Variants in CIB1 observed in about 807,000 individuals in gnomAD.
The protein encoded by CIB1 is calcium and integrin binding 1, also known as calcium and integrin-binding protein 1.
CIB1 carries 19 observed loss-of-function variants against 25.0 expected under a neutral mutation model. The ratio of observed to expected loss-of-function variants is 0.76; its 90% CI spans 0.53 to 1.12. The LOEUF is 1.12. CIB1 is among the 50% of genes most tolerant of loss of function. CIB1 has a pLI of 0.00. For missense variants in CIB1, 236 were observed against 242.6 expected, an observed-to-expected ratio of 0.97 and a Z score of 0.18; for synonymous variants, 104 against 98.5, an observed-to-expected ratio of 1.06 and a Z score of -0.33.
the CIB1 span, chr15:90,241,657 T>C: frequency 6.2e-7 from 1 of 1,614,190 alleles, no homozygotes; most frequent in Non-Finnish European, 8.5e-7. Flanking sequence ...CTCCAGGACC[T>C]CCCAGCTCCT....
intron 2 of CIB1, 101 bp downstream of exon 2, chr15:90,233,568 G>T: frequency 1.4e-6 from 2 of 1,426,256 alleles, no homozygotes; most frequent in Non-Finnish European, 1.9e-6. Context: ...CCGCTCCTCT[G>T]CAGACCTCAG....
chr15:90,255,793 C>G, the CIB1 span: 2 of 1,614,154 alleles, frequency 1.2e-6, no homozygotes, highest in Non-Finnish European at 1.7e-6. Flanking sequence ...AAATCTGCCG[C>G]AAAGATCTGC....
the CIB1 span, among the ~76,000 whole-genome samples, chr15:90,248,107 A>G: frequency 1.3e-5 from 2 of 151,724 alleles, no homozygotes; most frequent in African/African-American, 4.8e-5. Context: ...TGGCATAATC[A>G]TAGCTCACGG....
At chr15:90,254,366 A>G in the CIB1 span, among the ~76,000 whole-genome samples, 1 of 150,076 alleles carries the variant, frequency 6.7e-6, no homozygotes, top group Non-Finnish European at 1.5e-5. Context: ...GGTGGCGCAC[A>G]CTTGTAATCC....
At chr15:90,251,381 C>T in the CIB1 span, among the ~76,000 whole-genome samples, 113 of 151,180 alleles carry the variant, frequency 7.5e-4, no homozygotes, top group South Asian at 1.1e-3. Flanking sequence ...GCCTCGGCCT[C>T]CCAAAGTGCT....
chr15:90,250,478 G>C, the CIB1 span: 2 of 875,818 alleles, frequency 2.3e-6, no homozygotes, highest in Non-Finnish European at 3.4e-6. Flanking sequence ...ATTCCTCAGT[G>C]AAACAGTTTT....
the CIB1 span, chr15:90,264,828 C>T: frequency 5.5e-5 from 84 of 1,536,054 alleles, no homozygotes; most frequent in East Asian, 1.9e-3. Context: ...GAAAGAGTGG[C>T]ATCTGACTCA....
Position 90,231,087 on chromosome 15 carries a change from C to A in CIB1, c.465+8G>T. 2 of 1,614,082 alleles carry A rather than the reference C, an allele frequency of 1.2e-6. No homozygotes were observed. Among genetic ancestry groups the A allele is most frequent in the South Asian group, 1.1e-5 (1 of 91,082 alleles). On this transcript the variant is annotated splice_region_variant and intron_variant, in intron 5 of 6. Coordinates refer to ENST00000328649, the MANE Select transcript of CIB1 (RefSeq NM_006384.4). ...CCCTCCCGCTCCCAGGCCTGCTCAG[C>A]TGCTCACGTTGTCGATGAGCTGCTT...
the CIB1 span, chr15:90,242,454 TTTTTTTTTG>T: frequency 9.1e-6 from 1 of 110,146 alleles, no homozygotes; most frequent in African/African-American, 4.2e-5. Context: ...TTTTTTTTTT[TTTTTTTTTG>T]AGATAGTCTC....
In CIB1 at chr15:90,233,696, G is replaced by T; in HGVS notation, c.59C>A (p.Thr20Lys). ...KELLAEYQDL[T>K]FLTKQEILLA... ...GAGGATCTCCTGCTTCGTCAGGAAC[G>T]TCAAGTCCTGGAAGGCAAAGCCAGA... The change falls in exon 2 of 7, where the codon ACG becomes AAG. Residue 20 changes from threonine to lysine, a missense_variant. Thr to Lys is a moderately conservative substitution (Grantham distance 78, BLOSUM62 -1). Transcript: ENST00000328649. 1.5e-5 allele frequency: 23 copies of T among 1,575,956 alleles called. No individual in the cohort carries two copies. The highest frequency in any genetic ancestry group is 2.0e-5 in the Non-Finnish European group (23 of 1,160,506).
upstream of CIB1, chr15:90,234,050 G>T: frequency 1.2e-6 from 1 of 802,648 alleles, no homozygotes; most frequent in Non-Finnish European, 1.8e-6. Context: ...TCCCAGCCGG[G>T]TTTGGCAGGC....
the CIB1 span, among the ~76,000 whole-genome samples, chr15:90,239,325 G>GTC: frequency 1.3e-5 from 2 of 151,908 alleles, no homozygotes; most frequent in Non-Finnish European, 2.9e-5. Flanking sequence ...GTGTGTGTGT[G>GTC]TGTGTGTGTG....
At chr15:90,234,065 T>C (rs982615258), upstream of CIB1, 12 of 648,364 alleles carry the variant, frequency 1.9e-5, no homozygotes, top group Non-Finnish European at 2.6e-5. Context: ...GCAGGCGAGC[T>C]GCCGGCTCCA....
upstream of CIB1, among the ~76,000 whole-genome samples, chr15:90,237,035 T>C (rs1400913175): frequency 1.3e-5 from 2 of 151,864 alleles, no homozygotes; most frequent in Non-Finnish European, 2.9e-5. Context: ...CTTAGCTCAC[T>C]GCAACCTCTG....
rs1160067218 is a variant in CIB1, at chr15:90,231,575, G to A, written c.196-68C>T. On this transcript the variant is annotated intron_variant, in intron 3 of 6. Coordinates refer to ENST00000328649, the MANE Select transcript of CIB1 (RefSeq NM_006384.4). ...TCATTAAAGCCTACCAGAAACTTGA[G>A]AGAGCAGGTCACAGGACCAGCACCA... 11 of 1,566,668 alleles carry A rather than the reference G, an allele frequency of 7.0e-6. No homozygotes were observed. In the African/African-American group the frequency reaches 1.5e-4, roughly 21 times the overall value.
the CIB1 span, among the ~76,000 whole-genome samples, chr15:90,260,841 ACT>A: frequency 7.0e-6 from 1 of 142,204 alleles, no homozygotes; most frequent in African/African-American, 2.7e-5. Context: ...ATAGAGCAGG[ACT>A]CTGTCTCAAA....
upstream of CIB1, among the ~76,000 whole-genome samples, chr15:90,235,725 A>G (rs145585473): frequency 0.024 from 3,703 of 151,334 alleles, 144 homozygotes; most frequent in African/African-American, 0.081. Flanking sequence ...CCGCCACCAC[A>G]CCCGGCTAAT....
At chr15:90,262,822 A>C in the CIB1 span, 23 of 1,227,674 alleles carry the variant, frequency 1.9e-5, no homozygotes, top group Middle Eastern at 1.3e-3. Context: ...TGGAAGATGA[A>C]GTGAGAGAAT....
chr15:90,232,219 C>A lies in CIB1; in HGVS notation c.195G>T (p.Lys65Asn), dbSNP rs1475462832. ...FEQILSLPEL[K>N]ANPFKERICR... Reference sequence around the variant, plus strand: ...TGTCAAAGGAGGGGAGCGCTTGCACCTTGAGCTCTGGAAGGCTGAGAATCT... The same window carrying A: ...TGTCAAAGGAGGGGAGCGCTTGCACATTGAGCTCTGGAAGGCTGAGAATCT... The change falls in exon 3 of 7, where the codon AAG becomes AAT. Residue 65 changes from lysine (K) to asparagine (N), a missense_variant and splice_region_variant. Physicochemically the swap from Lys to Asn is moderately conservative, Grantham distance 94 (BLOSUM62 0). Coordinates refer to ENST00000328649, the MANE Select transcript of CIB1 (RefSeq NM_006384.4). 6.2e-7 allele frequency: 1 copy of A among 1,609,008 alleles called. No individual in the cohort carries two copies. Among genetic ancestry groups the A allele is most frequent in the African/African-American group, 1.3e-5 (1 of 74,986 alleles).
Sources: gnomAD v4.1 joint callset for allele counts (sites outside exome capture counted in the v4.1 genomes callset) on GRCh38, gnomAD v4.1.1 for gene constraint, MANE v1.5 for transcripts, NCBI Gene and HGNC (gene_info 2026-07-23, HGNC 2026-07-21) for gene names.